The following ETV5 variants were observed in gnomAD, a reference collection of about 807,000 sequenced individuals.
ETV5 encodes ETS translocation variant 5.
Under a neutral mutation model 70.0 loss-of-function variants are expected in ETV5, and 10 were observed. The observed-to-expected ratio is 0.14, with a 90% CI of 0.09 to 0.24. The LOEUF is 0.24. ETV5 is among the 10% of genes least tolerant of loss of function. The pLI is 1.00. For missense variants in ETV5, 453 were observed against 651.2 expected (o/e 0.70, Z 3.31); for synonymous variants, 216 against 242.2 (o/e 0.89, Z 1.01).
chr3:186,096,890 T>C (rs1176772652), intron 5 of ETV5, among the ~76,000 whole-genome samples: 6 of 152,014 alleles, frequency 3.9e-5, no homozygotes. Context: ...GATGTTTAAG[T>C]GTGGAAGCAG....
intron 5 of ETV5, among the ~76,000 whole-genome samples, chr3:186,098,468 G>C (rs1226498861): frequency 6.6e-6 from 1 of 152,120 alleles, no homozygotes; most frequent in African/African-American, 2.4e-5. Context: ...CAGAGGAGGG[G>C]ACAAGCTACC....
At chr3:186,068,207 T>C (rs9831938) in intron 7 of ETV5, among the ~76,000 whole-genome samples, 111,130 of 152,090 alleles carry the variant, frequency 0.73, 41,872 homozygotes, top group Non-Finnish European at 0.83. Flanking sequence ...ATATATATTA[T>C]GATACAGTCA....
chr3:186,073,508 C>G (rs1365331336), intron 7 of ETV5, among the ~76,000 whole-genome samples: 1 of 152,168 alleles, frequency 6.6e-6, no homozygotes, highest in Non-Finnish European at 1.5e-5. Flanking sequence ...GTCAGTCTGT[C>G]CAACTCCAGA....
At chr3:186,069,663 T>C (rs1307189131) in intron 7 of ETV5, among the ~76,000 whole-genome samples, 1 of 152,074 alleles carries the variant, frequency 6.6e-6, no homozygotes, top group Non-Finnish European at 1.5e-5. Context: ...GCCTCCCAAG[T>C]AGCTGCGATT....
chr3:186,074,227 C>A (rs1713715207), intron 7 of ETV5, among the ~76,000 whole-genome samples: 1 of 152,064 alleles, frequency 6.6e-6, no homozygotes, highest in Admixed American at 6.5e-5. Flanking sequence ...TTAAAACTCA[C>A]ACAAAATGGA....
chr3:186,087,049 GA>G (rs550240801), intron 5 of ETV5, among the ~76,000 whole-genome samples: 2 of 152,102 alleles, frequency 1.3e-5, no homozygotes, highest in Non-Finnish European at 2.9e-5. Context: ...TCAATAAATG[GA>G]AGGATAGATC....
chr3:186,068,635 G>T lies in ETV5; in HGVS notation c.651-2563C>A, dbSNP rs143821367. Among the ~76,000 whole-genome samples the T allele has an allele frequency of 1.2e-4, 18 of 152,326 alleles. 1 individual carries two copies. In the East Asian group the frequency reaches 3.5e-3, roughly 29 times the overall value. The stretch of plus-strand genomic sequence containing the variant: ...GCCTGCCGTGCCTTAGTAGGGAAGT[G>T]ACCAAAGGCAAAGTTTCTTGGCTTT... On this transcript the variant is annotated intron_variant, in intron 7 of 12. Transcript: ENST00000306376.
intron 7 of ETV5, among the ~76,000 whole-genome samples, chr3:186,073,402 A>G (rs569458759): frequency 6.6e-6 from 1 of 152,296 alleles, no homozygotes; most frequent in East Asian, 1.9e-4. Context: ...TGTGGTATCT[A>G]TTATCCTATT....
At chr3:186,062,483 G>T (rs374454704) in intron 9 of ETV5, among the ~76,000 whole-genome samples, 2 of 152,136 alleles carry the variant, frequency 1.3e-5, no homozygotes, top group Admixed American at 1.3e-4. Flanking sequence ...TTAGCTGGGC[G>T]TGGTGGCGCG....
At chr3:186,089,681 T>C (rs1714136585) in intron 5 of ETV5, among the ~76,000 whole-genome samples, 1 of 152,158 alleles carries the variant, frequency 6.6e-6, no homozygotes, top group Admixed American at 6.5e-5. Context: ...AAATGGACCC[T>C]AAAAAAGTCA....
Position 186,048,041 on chromosome 3 carries a change from G to C in ETV5, c.*598C>G, listed in dbSNP as rs1163805070. On this transcript the variant is annotated 3_prime_UTR_variant, in exon 13 of 13. Coordinates refer to ENST00000306376, the MANE Select transcript of ETV5 (RefSeq NM_004454.3). ...CGGGTGGTTCCCAAGAGTAGCCATG[G>C]TTTATGATTTTGAGAACCACGGAGT... 4.3e-6 allele frequency: 1 copy of C among 233,428 alleles called. No individual in the cohort carries two copies. The highest frequency in any genetic ancestry group is 8.5e-6 in the Non-Finnish European group (1 of 118,080). 14.5% of individuals were successfully genotyped at this position (233,428 alleles called of 1,614,324 possible). A position where few individuals can be genotyped will look rare whatever the true frequency, so the allele number is the denominator to read the frequency against.
intron 12 of ETV5, among the ~76,000 whole-genome samples, chr3:186,049,412 C>G (rs1455719645): frequency 1.3e-5 from 2 of 152,236 alleles, no homozygotes; most frequent in Non-Finnish European, 2.9e-5. Context: ...GAACCGCTAA[C>G]TACCTTTCTA....
chr3:186,057,575 A>G lies in ETV5; in HGVS notation c.971-84T>C. 1 of 1,159,522 alleles carries G rather than the reference A, an allele frequency of 8.6e-7. No homozygotes were observed. The highest frequency in any genetic ancestry group is 1.2e-5 in the South Asian group (1 of 80,566). 71.8% of individuals were successfully genotyped at this position (1,159,522 alleles called of 1,614,324 possible). A position where few individuals can be genotyped will look rare whatever the true frequency, so the allele number is the denominator to read the frequency against. ...ACTATGGATTTAAGGACTAGAGTGC[A>G]ATCCTATCATTTCAGATCCTAAGTC... On this transcript the variant is annotated intron_variant, in intron 9 of 12. Transcript: ENST00000306376. This position sits in a 1 kb window ranked among gnomAD's most constrained non-coding sequence, Gnocchi z 4.9.
At chr3:186,070,627 G>C (rs577810563) in intron 7 of ETV5, among the ~76,000 whole-genome samples, 1 of 152,356 alleles carries the variant, frequency 6.6e-6, no homozygotes, top group South Asian at 2.1e-4. Context: ...CTCAGAGCTT[G>C]CTGCTGATAA....
intron 12 of ETV5, among the ~76,000 whole-genome samples, 200 bp from the exon 13 acceptor site, chr3:186,049,060 A>G (rs925483535): frequency 1.3e-5 from 2 of 152,222 alleles, no homozygotes; most frequent in Non-Finnish European, 2.9e-5. Context: ...TTAAAAAAGA[A>G]GATATCTGAA....
At chr3:186,093,674 C>G (rs1317039050) in intron 5 of ETV5, among the ~76,000 whole-genome samples, 1 of 152,202 alleles carries the variant, frequency 6.6e-6, no homozygotes, top group Non-Finnish European at 1.5e-5. Context: ...CTCAGGTTGA[C>G]CGGCCCAAGT....
intron 7 of ETV5, among the ~76,000 whole-genome samples, chr3:186,071,243 T>C (rs1405431530): frequency 2.6e-5 from 4 of 151,296 alleles, no homozygotes; most frequent in Admixed American, 2.6e-4. Context: ...TATATAGTGA[T>C]TATGGGTGCC....
intron 5 of ETV5, among the ~76,000 whole-genome samples, chr3:186,099,047 G>A (rs1714383797): frequency 6.6e-6 from 1 of 152,096 alleles, no homozygotes; most frequent in Non-Finnish European, 1.5e-5. Context: ...TCCCCTAGAT[G>A]CTTCTTTCTT....
In ETV5 at chr3:186,065,836, G is replaced by A; in HGVS notation, c.887C>T (p.Pro296Leu). ...FQSPMGIKQE[P>L]RDYCVDSEVP... ...ACCTGAATCGACGCAGTAATCCCGA[G>A]GCTCCTGCTTGATTCCCATTGGTGA... is the stretch of plus-strand genomic sequence containing the variant. The change falls in exon 8 of 13, where the codon CCT becomes CTT. Residue 296 changes from proline (P) to leucine (L), a missense_variant. Pro to Leu is a moderately conservative substitution (Grantham distance 98). Transcript: ENST00000306376. 4 of 1,614,108 alleles carry A rather than the reference G, an allele frequency of 2.5e-6. No homozygotes were observed. The highest frequency in any genetic ancestry group is 3.4e-6 in the Non-Finnish European group (4 of 1,180,030).
Sources: allele counts gnomAD v4.1 joint callset (sites outside exome capture counted in the v4.1 genomes callset), GRCh38; gene constraint gnomAD v4.1.1; non-coding constraint Gnocchi (gnomAD v3.1); transcripts MANE v1.5; gene names NCBI Gene and HGNC (gene_info 2026-07-23, HGNC 2026-07-21).